Variants in GRIN2B observed in about 807,000 individuals in gnomAD.
The protein encoded by GRIN2B is glutamate receptor ionotropic, NMDA 2B.
A neutral mutation model predicts 114.5 loss-of-function variants in GRIN2B; 5 were observed. The observed-to-expected ratio is 0.04, with a 90% CI of 0.02 to 0.09. GRIN2B has a LOEUF of 0.09. Among genes scored for constraint, GRIN2B ranks in the 10% least tolerant of loss-of-function variants. The pLI is 1.00. For missense variants in GRIN2B, 1,108 were observed against 1,943.5 expected (o/e 0.57, Z 8.08); for synonymous variants, 787 against 745.1 (o/e 1.06, Z -0.92).
rs1948295726 is a variant in GRIN2B, at chr12:13,542,815, C to T, written c.*19968G>A. The T allele has an allele frequency of 6.6e-6, 1 of 152,316 alleles. No individual in the cohort carries two copies. The highest frequency in any genetic ancestry group is 1.5e-5 in the Non-Finnish European group (1 of 68,084). 9.4% of individuals were successfully genotyped at this position (152,316 alleles called of 1,614,324 possible). Reference sequence around the variant, plus strand: ...GGCAATTCCTTTCCTCTTGCTCTTACAGAAACCTGGCTCCTCTTTGAGGAC... The same window carrying T: ...GGCAATTCCTTTCCTCTTGCTCTTATAGAAACCTGGCTCCTCTTTGAGGAC... On this transcript the variant is annotated 3_prime_UTR_variant, in exon 14 of 14. Transcript: ENST00000609686.
chr12:13,806,118 T>A (rs910380126), intron 3 of GRIN2B, among the ~76,000 whole-genome samples: 1 of 152,200 alleles, frequency 6.6e-6, no homozygotes, highest in Non-Finnish European at 1.5e-5. Flanking sequence ...ATTTTCTTTA[T>A]GTGTTCATCA....
intron 3 of GRIN2B, among the ~76,000 whole-genome samples, chr12:13,775,536 G>A (rs926036567): frequency 6.6e-6 from 1 of 152,196 alleles, no homozygotes; most frequent in South Asian, 2.1e-4. Flanking sequence ...GCAGTTCTCT[G>A]TCTGCCTATC....
At chr12:13,579,420 T>C (rs1188729352) in intron 10 of GRIN2B, among the ~76,000 whole-genome samples, 2 of 152,232 alleles carry the variant, frequency 1.3e-5, no homozygotes, top group African/African-American at 4.8e-5. Flanking sequence ...TTAACTTATC[T>C]GTGCCCCAGT....
chr12:13,787,290 G>C (rs931997074), intron 3 of GRIN2B, among the ~76,000 whole-genome samples: 3 of 152,176 alleles, frequency 2.0e-5, no homozygotes, highest in African/African-American at 7.2e-5. Flanking sequence ...TATCGGACAC[G>C]TATCATCAGA....
chr12:13,873,112 G>A (rs527968029), intron 2 of GRIN2B, among the ~76,000 whole-genome samples: 14 of 152,160 alleles, frequency 9.2e-5, no homozygotes, highest in Non-Finnish European at 1.8e-4. Context: ...ACTCAATTCT[G>A]CAGAACAGAT....
At chr12:13,967,705 C>T (rs529004842) in intron 2 of GRIN2B, among the ~76,000 whole-genome samples, 9 of 152,246 alleles carry the variant, frequency 5.9e-5, no homozygotes, top group East Asian at 1.9e-4. Flanking sequence ...GATAGAGACA[C>T]GATAGCAGTC....
chr12:13,750,305 G>T (rs1202639876), intron 4 of GRIN2B, among the ~76,000 whole-genome samples: 1 of 152,216 alleles, frequency 6.6e-6, no homozygotes, highest in Non-Finnish European at 1.5e-5. Flanking sequence ...GCCTCAGAGA[G>T]ATGGCAACAA....
intron 2 of GRIN2B, among the ~76,000 whole-genome samples, chr12:13,925,816 A>G (rs1866902294): frequency 6.6e-6 from 1 of 152,202 alleles, no homozygotes; most frequent in Non-Finnish European, 1.5e-5. Context: ...GATGATTTTA[A>G]TGGTTTTTAC....
At chr12:13,828,573 G>C (rs2111513) in intron 3 of GRIN2B, among the ~76,000 whole-genome samples, 1 of 151,966 alleles carries the variant, frequency 6.6e-6, no homozygotes, top group South Asian at 2.1e-4. Flanking sequence ...AACTCAGTCA[G>C]ATTGCTGGGT....
At chr12:13,956,735 C>CCCTGTAA (rs1867599360) in intron 2 of GRIN2B, among the ~76,000 whole-genome samples, 1 of 152,184 alleles carries the variant, frequency 6.6e-6, no homozygotes, top group African/African-American at 2.4e-5. Flanking sequence ...TAAACATATT[C>CCCTGTAA]ACGGCAATGA....
At position 13,547,301 on chromosome 12, in the gene GRIN2B, G is replaced by C. The variant is rs540237142; in HGVS notation, c.*15482C>G. ...CAGTGGCTAAAAATATAAGTATTTT[G>C]GTCTATTTTATATTATAGCTGTCTT... On this transcript the variant is annotated 3_prime_UTR_variant, in exon 14 of 14. Transcript: ENST00000609686. 1 of 152,110 alleles carries C rather than the reference G, an allele frequency of 6.6e-6. No individual in the cohort carries two copies. Among genetic ancestry groups the C allele is most frequent in the Non-Finnish European group, 1.5e-5 (1 of 67,988 alleles). 9.4% of individuals were successfully genotyped at this position (152,110 alleles called of 1,614,324 possible). A position where few individuals can be genotyped will look rare whatever the true frequency, so the allele number is the denominator to read the frequency against.
intron 5 of GRIN2B, among the ~76,000 whole-genome samples, chr12:13,622,422 TC>T (rs1949526680): frequency 6.6e-6 from 1 of 152,126 alleles, no homozygotes; most frequent in African/African-American, 2.4e-5. Context: ...AGAGCAGAAA[TC>T]CGAGGACAGG....
chr12:13,784,737 T>C (rs569218545), intron 3 of GRIN2B, among the ~76,000 whole-genome samples: 2 of 152,192 alleles, frequency 1.3e-5, no homozygotes, highest in Admixed American at 6.5e-5. Context: ...TGCTGGAAGA[T>C]GAGAGACCAC....
At chr12:13,908,342 A>C (rs1467620766) in intron 2 of GRIN2B, among the ~76,000 whole-genome samples, 1 of 152,170 alleles carries the variant, frequency 6.6e-6, no homozygotes, top group Non-Finnish European at 1.5e-5. Context: ...GACTGTTAAT[A>C]GTTGCCAGCA....
chr12:13,818,059 G>A (rs1318670098), intron 3 of GRIN2B, among the ~76,000 whole-genome samples: 2 of 152,168 alleles, frequency 1.3e-5, no homozygotes, highest in African/African-American at 4.8e-5. Flanking sequence ...ATGGAGTACT[G>A]TCTGGGCAGT....
At chr12:13,888,002 T>C (rs575003149) in intron 2 of GRIN2B, among the ~76,000 whole-genome samples, 19 of 152,318 alleles carry the variant, frequency 1.2e-4, no homozygotes, top group Middle Eastern at 3.4e-3. Flanking sequence ...TGTTGGCTCC[T>C]CTGTCCTAAT....
chr12:13,853,367 C>A (rs1591768093), intron 3 of GRIN2B, among the ~76,000 whole-genome samples: 1 of 152,164 alleles, frequency 6.6e-6, no homozygotes, highest in Non-Finnish European at 1.5e-5. Context: ...GAAGTTACTA[C>A]CTTTGAAAAG....
chr12:13,623,932 T>C (rs1037713446), intron 5 of GRIN2B, among the ~76,000 whole-genome samples: 7 of 152,214 alleles, frequency 4.6e-5, no homozygotes, highest in Admixed American at 4.6e-4. Flanking sequence ...GTGACAGAGA[T>C]GCCGTTTTGC....
At chr12:13,653,174 A>T (rs1283651180) in intron 5 of GRIN2B, among the ~76,000 whole-genome samples, 1 of 152,280 alleles carries the variant, frequency 6.6e-6, no homozygotes, top group African/African-American at 2.4e-5. Context: ...AAGAGGAATC[A>T]CTTAGCAAGT....
Sources: gnomAD v4.1 joint callset for allele counts (sites outside exome capture counted in the v4.1 genomes callset) on GRCh38, gnomAD v4.1.1 for gene constraint, MANE v1.5 for transcripts, NCBI Gene and HGNC (gene_info 2026-07-23, HGNC 2026-07-21) for gene names.